PDE10A: variants seen among roughly 807,000 people sequenced by gnomAD.
The protein encoded by PDE10A is phosphodiesterase 10A, also known as cAMP and cAMP-inhibited cGMP 3',5'-cyclic phosphodiesterase 10A.
A neutral mutation model predicts 97.7 loss-of-function variants in PDE10A; 39 were observed. That is an observed-to-expected ratio of 0.40 (90% CI 0.31 to 0.52). The LOEUF is 0.52. Among genes scored for constraint, PDE10A ranks in the 20% least tolerant of loss-of-function variants. PDE10A has a pLI of 0.56. For missense variants in PDE10A, 731 were observed against 1,047.8 expected, an observed-to-expected ratio of 0.70 and a Z score of 4.17; for synonymous variants, 371 against 376.8, an observed-to-expected ratio of 0.98 and a Z score of 0.18.
At chr6:165,715,452 C>A (rs1261440738) in intron 1 of PDE10A, among the ~76,000 whole-genome samples, 1 of 152,134 alleles carries the variant, frequency 6.6e-6, no homozygotes, top group Non-Finnish European at 1.5e-5. Flanking sequence ...TTCCCCAAAT[C>A]GACCATCCAG....
intron 1 of PDE10A, among the ~76,000 whole-genome samples, chr6:165,916,461 C>T (rs912174226): frequency 6.6e-6 from 1 of 152,188 alleles, no homozygotes; most frequent in African/African-American, 2.4e-5. Flanking sequence ...GTGAGTTTGT[C>T]ATATCGTAAA....
intron 10 of PDE10A, among the ~76,000 whole-genome samples, chr6:165,427,829 T>C (rs188635516): frequency 6.6e-6 from 1 of 152,248 alleles, no homozygotes; most frequent in East Asian, 1.9e-4. Flanking sequence ...AGAGAAGTTA[T>C]TTTAATGTAC....
At chr6:165,511,433 AAC>A (rs201037204) in intron 2 of PDE10A, among the ~76,000 whole-genome samples, 2 of 78,102 alleles carry the variant, frequency 2.6e-5, no homozygotes, top group Non-Finnish European at 3.6e-5. Context: ...TTTGTGGCCT[AAC>A]ATGTGGTATA....
At chr6:165,865,691 C>T (rs1449978749) in intron 1 of PDE10A, among the ~76,000 whole-genome samples, 3 of 151,518 alleles carry the variant, frequency 2.0e-5, no homozygotes, top group African/African-American at 7.3e-5. Context: ...TCAAGCAAAA[C>T]AAATATTTTC....
At chr6:165,444,049 T>A (rs569847028) in intron 5 of PDE10A, among the ~76,000 whole-genome samples, 2 of 152,214 alleles carry the variant, frequency 1.3e-5, no homozygotes, top group South Asian at 2.1e-4. Context: ...AACTTTTACG[T>A]TCTGCTTCCC....
At chr6:165,400,262 T>C (rs1786539449) in intron 13 of PDE10A, among the ~76,000 whole-genome samples, 1 of 151,720 alleles carries the variant, frequency 6.6e-6, no homozygotes, top group Non-Finnish European at 1.5e-5. Context: ...AGGAGAAATG[T>C]CTTAACGACC....
Position 165,451,412 on chromosome 6 carries a change from A to G in PDE10A, c.1024-1050T>C, listed in dbSNP as rs143464764. ...ACAACAGGCACTGTAAACTCGAAAT[A>G]TAAAATTCTGTCTCTCCATGGCTTC... On this transcript the variant is annotated intron_variant, in intron 3 of 21. Coordinates refer to ENST00000539869, the MANE Select transcript of PDE10A (RefSeq NM_001385079.1). Among the ~76,000 whole-genome samples the G allele has an allele frequency of 2.4e-3, 372 of 152,328 alleles. 3 individuals carry two copies. The highest frequency in any genetic ancestry group is 4.2e-3 in the Non-Finnish European group (289 of 68,022).
intron 1 of PDE10A, among the ~76,000 whole-genome samples, chr6:165,823,507 T>A (rs1307391706): frequency 5.8e-5 from 5 of 86,416 alleles, no homozygotes; most frequent in South Asian, 3.3e-4. Context: ...TATATATATA[T>A]ATATATATAT....
intron 1 of PDE10A, among the ~76,000 whole-genome samples, chr6:165,823,529 CCTTAAT>C (rs1562754527): frequency 4.2e-4 from 15 of 35,944 alleles, no homozygotes; most frequent in South Asian, 9.4e-4. Flanking sequence ...TATATATGAA[CCTTAAT>C]TATAAATATT....
chr6:165,375,272 T>A (rs1351258785), intron 18 of PDE10A, among the ~76,000 whole-genome samples: 1 of 152,186 alleles, frequency 6.6e-6, no homozygotes, highest in Admixed American at 6.5e-5. Context: ...ACAGCCAAGT[T>A]GTGAATGGAA....
At chr6:165,659,487 TAA>T (rs1428196840) in intron 1 of PDE10A, among the ~76,000 whole-genome samples, 1 of 152,158 alleles carries the variant, frequency 6.6e-6, no homozygotes, top group East Asian at 1.9e-4. Context: ...ACCCAAAAAG[TAA>T]AGAGTGTCAG....
intron 1 of PDE10A, among the ~76,000 whole-genome samples, chr6:165,920,217 T>C (rs1782716990): frequency 6.6e-6 from 1 of 152,212 alleles, no homozygotes; most frequent in Middle Eastern, 3.2e-3. Context: ...CTGCTGGTTC[T>C]TTACAGACCC....
chr6:165,397,702 CAAAAAA>C (rs71026686), intron 13 of PDE10A, among the ~76,000 whole-genome samples: 11 of 88,386 alleles, frequency 1.2e-4, no homozygotes, highest in South Asian at 9.5e-4. Context: ...AACTCCATCT[CAAAAAA>C]AAAAAAAAAA....
chr6:165,412,755 G>T (rs1787970025), intron 13 of PDE10A, among the ~76,000 whole-genome samples: 2 of 152,102 alleles, frequency 1.3e-5, no homozygotes, highest in Non-Finnish European at 2.9e-5. Flanking sequence ...CAAAAAAGCA[G>T]TTTCTCTAAT....
At chr6:165,495,889 C>T (rs1198979663) in intron 2 of PDE10A, among the ~76,000 whole-genome samples, 1 of 152,068 alleles carries the variant, frequency 6.6e-6, no homozygotes. Flanking sequence ...TACAATAATC[C>T]TTGTCTTCAT....
At chr6:165,647,339 G>A (rs1212433387) in intron 1 of PDE10A, among the ~76,000 whole-genome samples, 1 of 152,156 alleles carries the variant, frequency 6.6e-6, no homozygotes, top group African/African-American at 2.4e-5. Flanking sequence ...CTCAACCCCA[G>A]CAGCAGGAGA....
chr6:165,733,566 G>T (rs947429035), intron 1 of PDE10A, among the ~76,000 whole-genome samples: 1 of 152,214 alleles, frequency 6.6e-6, no homozygotes, highest in African/African-American at 2.4e-5. Context: ...CACAGTAGAA[G>T]AATAGAGCAT....
intron 1 of PDE10A, among the ~76,000 whole-genome samples, chr6:165,636,886 G>A (rs564391069): frequency 6.6e-6 from 1 of 152,068 alleles, no homozygotes; most frequent in African/African-American, 2.4e-5. Flanking sequence ...GCCACTTTTA[G>A]TATCTGTAAA....
rs112196724 is a variant in PDE10A at position 165,621,052 on chromosome 6, T to C, written c.865+40895A>G. On this transcript the variant is annotated intron_variant, in intron 1 of 21. Coordinates refer to ENST00000539869, the MANE Select transcript of PDE10A (RefSeq NM_001385079.1). ...AAAAAAAAGGAAGAAAGAAAAAGGG[T>C]AGAGAAAGGGATAGCTGCTCACACT... Among the ~76,000 whole-genome samples, 1,202 of 148,046 alleles carry C rather than the reference T, an allele frequency of 8.1e-3. 20 individuals carry two copies. Among genetic ancestry groups the C allele is most frequent in the African/African-American group, 0.028 (1,135 of 40,224 alleles).
Sources: allele counts gnomAD v4.1 joint callset (sites outside exome capture counted in the v4.1 genomes callset), GRCh38; gene constraint gnomAD v4.1.1; transcripts MANE v1.5; gene names NCBI Gene and HGNC (gene_info 2026-07-23, HGNC 2026-07-21).